Variants in KIF6 observed in about 807,000 individuals in gnomAD.
KIF6 encodes kinesin family member 6.
Under a neutral mutation model 112.7 loss-of-function variants are expected in KIF6, and 106 were observed. The ratio of observed to expected loss-of-function variants is 0.94; its 90% CI spans 0.80 to 1.11. The LOEUF (loss-of-function observed/expected upper bound fraction) is 1.11, where lower values mean the gene tolerates loss of function less well. Ranked by LOEUF, KIF6 falls within the 50% of genes least tolerant of loss-of-function variation. KIF6 has a pLI of 0.00. For missense variants in KIF6, 929 were observed against 964.0 expected (o/e 0.96, Z 0.48); for synonymous variants, 339 against 339.9 (o/e 1.00, Z 0.03).
intron 16 of KIF6, among the ~76,000 whole-genome samples, chr6:39,364,370 C>T (rs1052609750): frequency 2.6e-5 from 4 of 152,112 alleles, no homozygotes; most frequent in African/African-American, 4.8e-5. Flanking sequence ...CCACCCACCT[C>T]GGCCTCCTAA....
At chr6:39,679,962 A>G (rs1787414922) in intron 3 of KIF6, among the ~76,000 whole-genome samples, 1 of 151,176 alleles carries the variant, frequency 6.6e-6, no homozygotes, top group Non-Finnish European at 1.5e-5. Context: ...ACCTAACAGT[A>G]TATCTTAAAA....
rs1046647817 is a variant in KIF6, at chr6:39,342,999, G to A, written c.2428+710C>T. ...GTTAAGCCTGCCTAGTAGCCTTTGG[G>A]TTATGGGGAGGAGGCTAAGACAAAA... On this transcript the variant is annotated intron_variant, in intron 22 of 22. Transcript: ENST00000287152. This position sits in a 1 kb window ranked among gnomAD's most constrained non-coding sequence, Gnocchi z 4.7. 5.1e-6 allele frequency: 5 copies of A among 985,426 alleles called. No individual in the cohort carries two copies. Among genetic ancestry groups the A allele is most frequent in the Non-Finnish European group, 6.0e-6 (5 of 829,936 alleles). The allele number at this position is 985,426 out of a possible 1,614,324, so 61.0% of individuals were successfully genotyped here.
intron 6 of KIF6, among the ~76,000 whole-genome samples, chr6:39,600,979 T>C (rs553948937): frequency 2.7e-4 from 41 of 152,174 alleles, no homozygotes; most frequent in Non-Finnish European, 5.4e-4. Flanking sequence ...ACCAACTGAA[T>C]TACTGAGTGC....
intron 16 of KIF6, among the ~76,000 whole-genome samples, chr6:39,384,402 T>C (rs1017995828): frequency 1.3e-5 from 2 of 152,176 alleles, no homozygotes; most frequent in African/African-American, 4.8e-5. Context: ...TGGCTCTTTG[T>C]TGAAGACACT....
intron 14 of KIF6, among the ~76,000 whole-genome samples, chr6:39,426,244 G>GA (rs902045074): frequency 2.0e-5 from 3 of 152,188 alleles, no homozygotes; most frequent in African/African-American, 7.2e-5. Flanking sequence ...AATTGCAATT[G>GA]TTCTCTGCTG....
intron 6 of KIF6, among the ~76,000 whole-genome samples, chr6:39,607,869 G>A (rs1782979590): frequency 6.6e-6 from 1 of 152,128 alleles, no homozygotes; most frequent in Non-Finnish European, 1.5e-5. Flanking sequence ...AAATTTGTGA[G>A]GATGTGTTAG....
rs113696347 is a variant in KIF6 at position 39,449,487 on chromosome 6, G to A, written c.1646-18326C>T. ...TTCACTGTCTGGAATGTTCTTTTCT[G>A]GGATCTTTATGATTATCAACTCACT... On this transcript the variant is annotated intron_variant, in intron 13 of 22. Coordinates refer to ENST00000287152, the MANE Select transcript of KIF6 (RefSeq NM_145027.6). 1.7e-3 allele frequency among the ~76,000 whole-genome samples: 264 copies of A among 152,230 alleles called. 1 individual carries two copies. Among genetic ancestry groups the A allele is most frequent in the African/African-American group, 6.2e-3 (257 of 41,514 alleles).
intron 13 of KIF6, among the ~76,000 whole-genome samples, chr6:39,443,149 A>ATAG (rs1452449999): frequency 1.0e-4 from 14 of 137,730 alleles, no homozygotes; most frequent in Non-Finnish European, 2.0e-4. Flanking sequence ...AATAATAATA[A>ATAG]TAATAATAAT....
intron 10 of KIF6, among the ~76,000 whole-genome samples, chr6:39,568,627 T>C (rs1350678621): frequency 1.3e-5 from 2 of 152,058 alleles, no homozygotes; most frequent in East Asian, 3.9e-4. Context: ...CTGGACTCAC[T>C]GCAACCTCTG....
At chr6:39,537,430 A>C (rs1383386501) in intron 13 of KIF6, among the ~76,000 whole-genome samples, 2 of 151,468 alleles carry the variant, frequency 1.3e-5, no homozygotes, top group Non-Finnish European at 2.9e-5. Context: ...CAACAGACAA[A>C]CAGAGAGCCA....
chr6:39,605,305 T>A (rs1169027450), intron 6 of KIF6, among the ~76,000 whole-genome samples: 1 of 152,156 alleles, frequency 6.6e-6, no homozygotes, highest in African/African-American at 2.4e-5. Flanking sequence ...AAATTGAGTT[T>A]GAATTTTTTT....
chr6:39,540,323 A>T (rs1039400795), intron 12 of KIF6, 102 bp from the exon 13 acceptor site: 1 of 785,292 alleles, frequency 1.3e-6, no homozygotes, highest in Admixed American at 2.7e-5. Flanking sequence ...GCTATTTATC[A>T]TGTGGTAAAG....
chr6:39,590,676 C>G (rs1185464808), intron 7 of KIF6, among the ~76,000 whole-genome samples: 1 of 151,908 alleles, frequency 6.6e-6, no homozygotes, highest in Non-Finnish European at 1.5e-5. Flanking sequence ...ATCTCAAACC[C>G]CTGACCTCAA....
chr6:39,677,444 T>G (rs1050387741), intron 3 of KIF6, among the ~76,000 whole-genome samples: 4 of 152,118 alleles, frequency 2.6e-5, no homozygotes, highest in African/African-American at 7.2e-5. Context: ...ACAGGTTTGA[T>G]CCAAATGGAT....
At chr6:39,588,741 C>T (rs1781772804) in intron 7 of KIF6, among the ~76,000 whole-genome samples, 1 of 152,160 alleles carries the variant, frequency 6.6e-6, no homozygotes, top group African/African-American at 2.4e-5. Flanking sequence ...AAACCTTAGG[C>T]AATCATCCTT....
At chr6:39,534,753 ATAAT>A (rs1229547726) in intron 13 of KIF6, among the ~76,000 whole-genome samples, 1 of 152,226 alleles carries the variant, frequency 6.6e-6, no homozygotes, top group African/African-American at 2.4e-5. Flanking sequence ...TCCAAGACAC[ATAAT>A]TGTCAGATTC....
chr6:39,420,032 T>G (rs770461014), intron 14 of KIF6, 29 bp from the exon 15 acceptor site: 2 of 1,515,234 alleles, frequency 1.3e-6, no homozygotes, highest in Non-Finnish European at 1.8e-6. Flanking sequence ...AAAATTGTAG[T>G]TTTTCTGTTC....
rs143773735 is a variant in KIF6, at chr6:39,668,124, C to T, written c.252-28367G>A. ...CTCTCACCAAAAGCAGATGCCGTCACCATACTCCCTGTACAGCCTGCAGAA... is the reference window on the plus strand; with the variant it reads ...CTCTCACCAAAAGCAGATGCCGTCATCATACTCCCTGTACAGCCTGCAGAA... On this transcript the variant is annotated intron_variant, in intron 3 of 22. Transcript: ENST00000287152. Among the ~76,000 whole-genome samples the T allele has an allele frequency of 2.9e-3, 438 of 152,288 alleles. 2 individuals are homozygous for T. Among genetic ancestry groups the T allele is most frequent in the Admixed American group, 6.1e-3 (94 of 15,292 alleles).
chr6:39,716,450 A>C (rs1331857846), intron 2 of KIF6, among the ~76,000 whole-genome samples: 1 of 152,216 alleles, frequency 6.6e-6, no homozygotes, highest in Non-Finnish European at 1.5e-5. Flanking sequence ...ATAAACCATT[A>C]ACTATATATT....
Sources: gnomAD v4.1 joint callset for allele counts (sites outside exome capture counted in the v4.1 genomes callset) on GRCh38, gnomAD v4.1.1 for gene constraint, Gnocchi (gnomAD v3.1) non-coding constraint, MANE v1.5 for transcripts, NCBI Gene and HGNC (gene_info 2026-07-23, HGNC 2026-07-21) for gene names.